Variants in THSD4 observed in about 807,000 individuals in gnomAD.
THSD4 encodes thrombospondin type 1 domain containing 4.
THSD4 carries 69 observed loss-of-function variants against 119.0 expected under a neutral mutation model. The ratio of observed to expected loss-of-function variants is 0.58; its 90% CI spans 0.48 to 0.71. THSD4 has a LOEUF of 0.71. THSD4 is among the 30% of genes least tolerant of loss of function. The pLI, the probability that THSD4 is intolerant of heterozygous loss-of-function variation, is 0.00. For missense variants in THSD4, 1,393 were observed against 1,391.1 expected (o/e 1.00, Z -0.02); for synonymous variants, 524 against 540.4 (o/e 0.97, Z 0.42).
chr15:71,104,412 T>A (rs2040265611), intron 1 of THSD4, among the ~76,000 whole-genome samples: 1 of 152,184 alleles, frequency 6.6e-6, no homozygotes, highest in African/African-American at 2.4e-5. Context: ...CTGCATGCCC[T>A]ACGATTTAAT....
chr15:71,424,260 T>C (rs952821573), intron 7 of THSD4, among the ~76,000 whole-genome samples: 6 of 152,294 alleles, frequency 3.9e-5, no homozygotes, highest in African/African-American at 1.2e-4. Flanking sequence ...CTTGCTCTGC[T>C]TCTCCTCTGC....
chr15:71,709,578 C>T (rs1052453053), intron 8 of THSD4, among the ~76,000 whole-genome samples: 1 of 152,202 alleles, frequency 6.6e-6, no homozygotes, highest in African/African-American at 2.4e-5. Flanking sequence ...ATCTAGGAAG[C>T]ACCAGGACCT....
chr15:71,471,466 C>G (rs1203828539), intron 7 of THSD4, among the ~76,000 whole-genome samples: 1 of 152,064 alleles, frequency 6.6e-6, no homozygotes, highest in Non-Finnish European at 1.5e-5. Flanking sequence ...CATGCTGGGT[C>G]TTAAGGATAC....
chr15:71,698,635 G>GCATGTATATATTT (rs1382720641), intron 8 of THSD4, among the ~76,000 whole-genome samples: 4 of 148,564 alleles, frequency 2.7e-5, no homozygotes, highest in Admixed American at 6.7e-5. Flanking sequence ...ATATATACAT[G>GCATGTATATATTT]CATGTATATA....
chr15:71,202,149 C>T (rs769864056), intron 3 of THSD4, among the ~76,000 whole-genome samples: 21 of 152,162 alleles, frequency 1.4e-4, no homozygotes, highest in Non-Finnish European at 2.6e-4. Context: ...AAGACTGATC[C>T]GTTCAATCTG....
At chr15:71,572,965 TC>T (rs2049384781) in intron 7 of THSD4, among the ~76,000 whole-genome samples, 1 of 152,004 alleles carries the variant, frequency 6.6e-6, no homozygotes, top group Admixed American at 6.6e-5. Flanking sequence ...CCTGGAGAAG[TC>T]TGTAGAGGGC....
chr15:71,371,468 G>A lies in THSD4; in HGVS notation c.1016-40219G>A, dbSNP rs554574843. 3.9e-5 allele frequency among the ~76,000 whole-genome samples: 6 copies of A among 152,248 alleles called. No homozygotes were observed. In the East Asian group the frequency reaches 1.2e-3, roughly 29 times the overall value. Reference sequence around the variant, plus strand: ...TTCCTTCAGGAGCTCTTTTAGGGCAGGCCTGGTGGTGACAAAATCTCTCAG... The same window carrying A: ...TTCCTTCAGGAGCTCTTTTAGGGCAAGCCTGGTGGTGACAAAATCTCTCAG... On this transcript the variant is annotated intron_variant, in intron 6 of 17. Coordinates refer to ENST00000261862, the MANE Select transcript of THSD4 (RefSeq NM_024817.3).
chr15:71,742,424 A>G (rs1028467303), intron 11 of THSD4, among the ~76,000 whole-genome samples: 7 of 151,896 alleles, frequency 4.6e-5, no homozygotes, highest in African/African-American at 1.7e-4. Context: ...TCTCTCTTCC[A>G]TAATGTCCCA....
At chr15:71,769,723 C>T (rs1293446157) in intron 16 of THSD4, among the ~76,000 whole-genome samples, 1 of 23,660 alleles carries the variant, frequency 4.2e-5, no homozygotes, top group Non-Finnish European at 7.0e-5. Flanking sequence ...AGGCAGCATG[C>T]TCGTTAAGAG....
intron 6 of THSD4, among the ~76,000 whole-genome samples, chr15:71,378,645 GT>G (rs1555407888): frequency 6.6e-6 from 1 of 152,184 alleles, no homozygotes; most frequent in African/African-American, 2.4e-5. Flanking sequence ...TTATGCTTTA[GT>G]TTTTTTAGTG....
At chr15:71,256,178 T>G (rs1445380394) in intron 5 of THSD4, among the ~76,000 whole-genome samples, 1 of 152,078 alleles carries the variant, frequency 6.6e-6, no homozygotes, top group Non-Finnish European at 1.5e-5. Flanking sequence ...GGGCTGGTAT[T>G]TAAAGTTGGA....
rs144056646 is a variant in THSD4 at position 71,323,752 on chromosome 15, G to C, written c.1015+67037G>C. Among the ~76,000 whole-genome samples, 663 of 152,294 alleles carry C rather than the reference G, an allele frequency of 4.4e-3. 11 individuals carry two copies. Among genetic ancestry groups the C allele is most frequent in the African/African-American group, 0.015 (610 of 41,564 alleles). On this transcript the variant is annotated intron_variant, in intron 6 of 17. Transcript: ENST00000261862. ...GATCTGACTCTTAGAAACAGACACA[G>C]AGTTGTTTTTCTCATAAGGAATGTA...
chr15:71,387,370 C>T (rs1252522854), intron 6 of THSD4, among the ~76,000 whole-genome samples: 1 of 152,080 alleles, frequency 6.6e-6, no homozygotes, highest in African/African-American at 2.4e-5. Flanking sequence ...GGGGCTTACA[C>T]GGGGTTTCAC....
intron 6 of THSD4, chr15:71,342,733 G>A (rs996943358): frequency 2.0e-5 from 3 of 152,238 alleles, no homozygotes; most frequent in Non-Finnish European, 2.9e-5. Flanking sequence ...TGCCTGAAGC[G>A]GCCCTCCCCA....
At chr15:71,588,929 ATGACTGAG>A (rs2049743116) in intron 7 of THSD4, among the ~76,000 whole-genome samples, 1 of 152,206 alleles carries the variant, frequency 6.6e-6, no homozygotes, top group Non-Finnish European at 1.5e-5. Flanking sequence ...CAAAGGGTTA[ATGACTGAG>A]TGTTGACAAT....
At chr15:71,474,929 G>A (rs1014921843) in intron 7 of THSD4, among the ~76,000 whole-genome samples, 1 of 152,146 alleles carries the variant, frequency 6.6e-6, no homozygotes, top group Non-Finnish European at 1.5e-5. Flanking sequence ...GATTTTCAAA[G>A]TGCGGTTGCA....
At chr15:71,719,500 A>G (rs2052673675) in intron 8 of THSD4, among the ~76,000 whole-genome samples, 1 of 152,210 alleles carries the variant, frequency 6.6e-6, no homozygotes, top group Non-Finnish European at 1.5e-5. Flanking sequence ...TGTGTTTGCC[A>G]TTTTGGTCAG....
intron 2 of THSD4, among the ~76,000 whole-genome samples, chr15:71,151,876 A>G (rs933571164): frequency 6.6e-6 from 1 of 152,208 alleles, no homozygotes; most frequent in Non-Finnish European, 1.5e-5. Context: ...TATCCAGGAC[A>G]TCAGTAGCAT....
At chr15:71,407,402 G>A (rs1001491478) in intron 6 of THSD4, among the ~76,000 whole-genome samples, 6 of 152,106 alleles carry the variant, frequency 3.9e-5, no homozygotes, top group African/African-American at 9.7e-5. Flanking sequence ...TTTTGTAACC[G>A]TTAACTCCTT....
Sources: gnomAD v4.1 joint callset for allele counts (sites outside exome capture counted in the v4.1 genomes callset) on GRCh38, gnomAD v4.1.1 for gene constraint, MANE v1.5 for transcripts, NCBI Gene and HGNC (gene_info 2026-07-23, HGNC 2026-07-21) for gene names.